Variants in EYS observed in about 807,000 individuals in gnomAD.
The protein encoded by EYS is EGF-like photoreceptor maintenance factor.
In EYS, 250 loss-of-function variants were observed where a neutral mutation model predicts 282.1. The observed-to-expected ratio is 0.89, with a 90% CI of 0.80 to 0.98. The LOEUF is 0.98. EYS is among the 50% of genes least tolerant of loss of function. The pLI, the probability that EYS is intolerant of heterozygous loss-of-function variation, is 0.00. For synonymous variants in EYS, 1,355 were observed against 1,282.9 expected (o/e 1.06, Z -1.20); for missense variants, 4,016 against 3,709.0 (o/e 1.08, Z -2.15).
At chr6:63,777,019 TA>T (rs1770081908) in intron 40 of EYS, among the ~76,000 whole-genome samples, 1 of 152,192 alleles carries the variant, frequency 6.6e-6, no homozygotes, top group African/African-American at 2.4e-5. Flanking sequence ...GATAAAATTA[TA>T]GTGGTAAAGC....
chr6:65,529,397 G>C (rs1767681666), intron 2 of EYS, among the ~76,000 whole-genome samples: 1 of 152,122 alleles, frequency 6.6e-6, no homozygotes, highest in African/African-American at 2.4e-5. Context: ...GAAAGATCTG[G>C]CTTCCCAGAA....
At chr6:65,202,958 C>T (rs531594033) in intron 12 of EYS, among the ~76,000 whole-genome samples, 1 of 152,260 alleles carries the variant, frequency 6.6e-6, no homozygotes, top group African/African-American at 2.4e-5. Flanking sequence ...GGTACTTGCA[C>T]CTGCCTCAGA....
At chr6:65,363,771 G>A (rs1254507843) in intron 8 of EYS, among the ~76,000 whole-genome samples, 1 of 151,556 alleles carries the variant, frequency 6.6e-6, no homozygotes. Flanking sequence ...TTAAATATAT[G>A]TGTCACATAT....
intron 26 of EYS, among the ~76,000 whole-genome samples, chr6:64,454,332 T>C (rs551935495): frequency 3.2e-4 from 49 of 152,290 alleles, no homozygotes; most frequent in Non-Finnish European, 5.7e-4. Context: ...CATATTGTTC[T>C]TCTTCTTCAG....
chr6:64,717,279 T>C (rs374668981), intron 22 of EYS, among the ~76,000 whole-genome samples: 29 of 152,188 alleles, frequency 1.9e-4, no homozygotes, highest in East Asian at 1.3e-3. Context: ...CTGCAAGCAA[T>C]TGACGTATTA....
In EYS at chr6:64,251,203, G is replaced by A. The variant is rs904176198; in HGVS notation, c.6192-20379C>T. 2.6e-5 allele frequency among the ~76,000 whole-genome samples: 4 copies of A among 152,268 alleles called. No homozygotes were observed. The East Asian group carries it at 5.8e-4, about 22-fold the overall frequency. ...ACCATTACTTTTTATGCAGTCAAAC[G>A]TGAAACCTTAAAATAGTCTTTACAG... On this transcript the variant is annotated intron_variant, in intron 30 of 42. Coordinates refer to ENST00000503581, the MANE Select transcript of EYS (RefSeq NM_001142800.2).
At chr6:64,495,215 C>T (rs898498963) in intron 26 of EYS, among the ~76,000 whole-genome samples, 7 of 151,674 alleles carry the variant, frequency 4.6e-5, no homozygotes, top group African/African-American at 1.7e-4. Flanking sequence ...AATGTAATAT[C>T]CATGGATATT....
At chr6:64,281,666 A>G (rs940914920) in intron 30 of EYS, among the ~76,000 whole-genome samples, 9 of 152,108 alleles carry the variant, frequency 5.9e-5, no homozygotes, top group African/African-American at 2.2e-4. Context: ...TTGAAATTCT[A>G]TTTAGATTAG....
chr6:64,098,931 C>T (rs111975427), intron 31 of EYS, among the ~76,000 whole-genome samples: 4,400 of 152,150 alleles, frequency 0.029, 227 homozygotes, highest in African/African-American at 0.1. Context: ...CACTAGGTAG[C>T]GGGCATACAA....
chr6:64,724,761 A>G (rs1771695999), intron 22 of EYS, among the ~76,000 whole-genome samples: 1 of 152,214 alleles, frequency 6.6e-6, no homozygotes, highest in Non-Finnish European at 1.5e-5. Context: ...AAGGTTAAAA[A>G]ATAGCATTTG....
chr6:65,630,975 AT>A (rs1295452453), intron 2 of EYS, among the ~76,000 whole-genome samples: 5 of 152,230 alleles, frequency 3.3e-5, no homozygotes, highest in Non-Finnish European at 7.3e-5. Context: ...TCTTTAATGC[AT>A]TTTAAAAAGT....
At position 65,186,350 on chromosome 6, in the gene EYS, G is replaced by T. The variant is rs111951581; in HGVS notation, c.2023+109513C>A. Among the ~76,000 whole-genome samples the T allele has an allele frequency of 4.7e-3, 717 of 151,798 alleles. 4 individuals carry two copies. Among genetic ancestry groups the T allele is most frequent in the African/African-American group, 0.015 (634 of 41,502 alleles). On this transcript the variant is annotated intron_variant, in intron 12 of 42. Coordinates refer to ENST00000503581, the MANE Select transcript of EYS (RefSeq NM_001142800.2). ...AATTCACTACTTCCTCTTGATATGG[G>T]ATATATGGACAAAAATTACTCTTTA... is the stretch of plus-strand genomic sequence containing the variant.
At chr6:64,622,841 A>AT (rs1348822170) in intron 23 of EYS, among the ~76,000 whole-genome samples, 11 of 152,142 alleles carry the variant, frequency 7.2e-5, no homozygotes, top group African/African-American at 2.7e-4. Context: ...AAATTTTCAA[A>AT]ATTATTTGAG....
intron 26 of EYS, among the ~76,000 whole-genome samples, chr6:64,551,278 A>T (rs1582884896): frequency 6.6e-6 from 1 of 151,280 alleles, no homozygotes; most frequent in Middle Eastern, 3.4e-3. Context: ...TTAGGTGAAT[A>T]AAAAATAAAG....
intron 30 of EYS, among the ~76,000 whole-genome samples, chr6:64,291,846 A>G (rs1435186673): frequency 6.6e-6 from 1 of 152,124 alleles, no homozygotes; most frequent in African/African-American, 2.4e-5. Flanking sequence ...TTCTTAGAAG[A>G]TTATTCTTGT....
At chr6:65,071,035 C>A (rs1265410668) in intron 12 of EYS, among the ~76,000 whole-genome samples, 2 of 151,674 alleles carry the variant, frequency 1.3e-5, no homozygotes, top group Non-Finnish European at 2.9e-5. Flanking sequence ...ATCTTAAAGA[C>A]CTCTCTTCCT....
intron 21 of EYS, among the ~76,000 whole-genome samples, chr6:64,816,399 A>G (rs1223902786): frequency 7.9e-5 from 12 of 152,104 alleles, no homozygotes; most frequent in Admixed American, 7.9e-4. Context: ...AGACGTAACT[A>G]CGGAATCTGT....
intron 26 of EYS, among the ~76,000 whole-genome samples, chr6:64,581,371 G>A (rs1186582276): frequency 6.6e-6 from 1 of 152,074 alleles, no homozygotes; most frequent in Admixed American, 6.6e-5. Context: ...AGTTGAAAAT[G>A]AAAATCAGAA....
chr6:64,074,531 A>G (rs1164609305), intron 32 of EYS, among the ~76,000 whole-genome samples: 3 of 151,662 alleles, frequency 2.0e-5, no homozygotes, highest in African/African-American at 7.2e-5. Context: ...CCCATTAAAC[A>G]TGGGTATTCT....
Sources: gnomAD v4.1 joint callset for allele counts (sites outside exome capture counted in the v4.1 genomes callset) on GRCh38, gnomAD v4.1.1 for gene constraint, MANE v1.5 for transcripts, NCBI Gene and HGNC (gene_info 2026-07-23, HGNC 2026-07-21) for gene names.